Variants in CCDC30 observed in about 807,000 individuals in gnomAD.
The protein encoded by CCDC30 is coiled-coil domain containing 30, also known as coiled-coil domain-containing protein 30.
In CCDC30, 70 loss-of-function variants were observed where a neutral mutation model predicts 100.2. The ratio of observed to expected loss-of-function variants is 0.70; its 90% CI spans 0.58 to 0.85. The LOEUF (loss-of-function observed/expected upper bound fraction) is 0.85. Ranked by LOEUF, CCDC30 falls within the 40% of genes least tolerant of loss-of-function variation. CCDC30 has a pLI of 0.00. For missense variants in CCDC30, 652 were observed against 771.2 expected (o/e 0.85, Z 1.83); for synonymous variants, 233 against 269.5 (o/e 0.86, Z 1.33).
In CCDC30 at chr1:42,480,569, G is replaced by C; in HGVS notation, c.15+3G>C. On this transcript the variant is annotated splice_donor_region_variant and intron_variant, in intron 2 of 16. Coordinates refer to ENST00000668663, the Ensembl canonical transcript of CCDC30. ...CTCCCAAAATGCTGGAATTACAGGT[G>C]AGCCACCACACCCAGGCAAAATGAC... is the stretch of plus-strand genomic sequence containing the variant. 1.0e-6 allele frequency: 1 copy of C among 979,890 alleles called. No homozygotes were observed. Among genetic ancestry groups the C allele is most frequent in the African/African-American group, 1.7e-5 (1 of 57,214 alleles). 60.7% of individuals were successfully genotyped at this position (979,890 alleles called of 1,614,324 possible).
At chr1:42,595,209 T>C (rs916970770) in intron 10 of CCDC30, 1 of 152,188 alleles carries the variant, frequency 6.6e-6, no homozygotes, top group Non-Finnish European at 1.5e-5. Flanking sequence ...AGGAATTTGG[T>C]AAGTCCACAA....
chr1:42,572,651 C>G (rs1453048152), intron 7 of CCDC30, among the ~76,000 whole-genome samples: 1 of 152,122 alleles, frequency 6.6e-6, no homozygotes, highest in Non-Finnish European at 1.5e-5. Flanking sequence ...GAGTCTCACT[C>G]TGTCACACAG....
At chr1:42,528,135 G>A (rs1402501987) in intron 6 of CCDC30, among the ~76,000 whole-genome samples, 1 of 152,140 alleles carries the variant, frequency 6.6e-6, no homozygotes, top group African/African-American at 2.4e-5. Context: ...AAAAGTGCTG[G>A]GATTACAGGC....
chr1:42,550,085 A>C (rs548517175), intron 6 of CCDC30, among the ~76,000 whole-genome samples: 8 of 150,758 alleles, frequency 5.3e-5, no homozygotes, highest in Non-Finnish European at 7.4e-5. Flanking sequence ...TGTTCAGTGA[A>C]TAGCCCCTCC....
intron 6 of CCDC30, among the ~76,000 whole-genome samples, chr1:42,507,542 C>A (rs887104091): frequency 6.6e-6 from 1 of 152,146 alleles, no homozygotes; most frequent in Non-Finnish European, 1.5e-5. Context: ...ATTTACATTT[C>A]CATACTTTCT....
chr1:42,581,626 T>C (rs1453704484), intron 9 of CCDC30, 112 bp downstream of exon 13: 2 of 909,992 alleles, frequency 2.2e-6, no homozygotes, highest in South Asian at 1.9e-5. Context: ...CTGTCCCCAC[T>C]GAAGTAAACT....
intron 10 of CCDC30, among the ~76,000 whole-genome samples, chr1:42,598,164 A>G (rs371320331): frequency 2.0e-5 from 3 of 152,082 alleles, no homozygotes; most frequent in Admixed American, 6.5e-5. Flanking sequence ...CATAAATAGT[A>G]AAGTATTAAG....
At chr1:42,588,012 T>A (rs186123834) in intron 9 of CCDC30, among the ~76,000 whole-genome samples, 5 of 152,146 alleles carry the variant, frequency 3.3e-5, no homozygotes, top group Admixed American at 3.3e-4. Flanking sequence ...CCAACTAAAA[T>A]TTGGGGGGTT....
At chr1:42,489,594 G>A (rs142709483) in intron 3 of CCDC30, among the ~76,000 whole-genome samples, 15 of 152,254 alleles carry the variant, frequency 9.9e-5, no homozygotes, top group African/African-American at 3.4e-4. Context: ...TAGCAATATC[G>A]CTGGTGATGA....
At chr1:42,472,679 A>G (rs550263291) in intron 1 of CCDC30, among the ~76,000 whole-genome samples, 34 of 152,222 alleles carry the variant, frequency 2.2e-4, no homozygotes, top group African/African-American at 7.9e-4. Flanking sequence ...AATTTTCATT[A>G]AGTATATCAT....
In CCDC30 at chr1:42,545,625, A is replaced by G. The variant is rs750213980; in HGVS notation, c.457-20671A>G. ...ATCACATTAATTATTCAGAGAGGGT[A>G]TATTTTATTTGGCTTGATCATTATA... is the stretch of plus-strand genomic sequence containing the variant. On this transcript the variant is annotated intron_variant, in intron 6 of 16. Coordinates refer to ENST00000668663, the Ensembl canonical transcript of CCDC30. 1.1e-5 allele frequency: 16 copies of G among 1,517,794 alleles called. No homozygotes were observed. The South Asian group carries it at 1.2e-4, about 12-fold the overall frequency. 94.0% of individuals were successfully genotyped at this position (1,517,794 alleles called of 1,614,324 possible).
At chr1:42,598,277 G>A (rs1646332799) in intron 10 of CCDC30, among the ~76,000 whole-genome samples, 1 of 152,188 alleles carries the variant, frequency 6.6e-6, no homozygotes, top group African/African-American at 2.4e-5. Flanking sequence ...AGCACTTTGG[G>A]AGGCTGAGGC....
upstream of CCDC30, chr1:42,460,425 T>C: frequency 1.0e-6 from 1 of 980,460 alleles, no homozygotes; most frequent in Non-Finnish European, 1.2e-6. Flanking sequence ...ATGTTTTGTT[T>C]TGTTTGAAAT....
chr1:42,641,266 C>T (rs1271121967), intron 12 of CCDC30, among the ~76,000 whole-genome samples: 6 of 128,882 alleles, frequency 4.7e-5, no homozygotes, highest in Admixed American at 1.6e-4. Context: ...TGTGTGGAGA[C>T]GGGGTCTCAC....
At chr1:42,565,815 GAGA>G (rs1273251680) in intron 6 of CCDC30, among the ~76,000 whole-genome samples, 1 of 152,078 alleles carries the variant, frequency 6.6e-6, no homozygotes, top group Non-Finnish European at 1.5e-5. Flanking sequence ...GTGTTTATGG[GAGA>G]AGAATCATCG....
chr1:42,490,305 CT>C, intron 4 of CCDC30, 76 bp downstream of exon 4: 1 of 590,812 alleles, frequency 1.7e-6, no homozygotes, highest in Non-Finnish European at 2.5e-6. Flanking sequence ...GTCCCAAAGA[CT>C]TGGGAGGCTT....
intron 11 of CCDC30, among the ~76,000 whole-genome samples, chr1:42,630,413 C>T (rs1450576912): frequency 4.0e-5 from 6 of 149,412 alleles, no homozygotes; most frequent in East Asian, 2.0e-4. Flanking sequence ...GATGGAGTCT[C>T]GCTCTGTTGC....
chr1:42,649,687 T>C (rs966499169), intron 15 of CCDC30, among the ~76,000 whole-genome samples: 1 of 152,136 alleles, frequency 6.6e-6, no homozygotes, highest in African/African-American at 2.4e-5. Context: ...ATCTTATATA[T>C]AGAAATCCCT....
chr1:42,545,624 T>C, intron 6 of CCDC30, 45 bp downstream of exon 9: 1 of 1,517,118 alleles, frequency 6.6e-7, no homozygotes, highest in East Asian at 2.4e-5. Flanking sequence ...TCAGAGAGGG[T>C]ATATTTTATT....
Sources: allele counts gnomAD v4.1 joint callset (sites outside exome capture counted in the v4.1 genomes callset), GRCh38; gene constraint gnomAD v4.1.1; transcripts MANE v1.5; gene names NCBI Gene and HGNC (gene_info 2026-07-23, HGNC 2026-07-21).